CERS6: variants seen among roughly 807,000 people sequenced by gnomAD.
CERS6 encodes LAG1 homolog, ceramide synthase 6.
CERS6 carries 26 observed loss-of-function variants against 56.8 expected under a neutral mutation model. That is an observed-to-expected ratio of 0.46 (90% CI 0.34 to 0.63). CERS6 has a LOEUF of 0.63. CERS6 is among the 30% of genes least tolerant of loss of function. The pLI, the probability that CERS6 is intolerant of heterozygous loss-of-function variation, is 0.01. For missense variants in CERS6, 415 were observed against 467.5 expected (o/e 0.89, Z 1.04); for synonymous variants, 164 against 173.3 (o/e 0.95, Z 0.42).
chr2:168,683,266 C>A (rs982056580), intron 4 of CERS6, among the ~76,000 whole-genome samples: 6 of 151,998 alleles, frequency 3.9e-5, no homozygotes, highest in South Asian at 2.1e-4. Context: ...ATATAAGTGA[C>A]CTTTGGGTAT....
intron 8 of CERS6, among the ~76,000 whole-genome samples, chr2:168,722,891 A>G (rs1683221756): frequency 6.6e-6 from 1 of 152,214 alleles, no homozygotes; most frequent in Admixed American, 6.5e-5. Context: ...TCCTGATGAT[A>G]TCACTGTCCT....
chr2:168,553,422 A>G (rs899885019), intron 2 of CERS6, among the ~76,000 whole-genome samples: 4 of 152,164 alleles, frequency 2.6e-5, no homozygotes, highest in African/African-American at 9.6e-5. Flanking sequence ...TAACATTGTT[A>G]AAGTTGCTGG....
chr2:168,550,231 A>G (rs865813903), intron 2 of CERS6, among the ~76,000 whole-genome samples: 1 of 152,146 alleles, frequency 6.6e-6, no homozygotes, highest in Non-Finnish European at 1.5e-5. Flanking sequence ...GCTGGAGTCT[A>G]GTGGCATAAC....
intron 3 of CERS6, among the ~76,000 whole-genome samples, chr2:168,577,891 T>C (rs2105393722): frequency 6.6e-6 from 1 of 152,214 alleles, no homozygotes; most frequent in South Asian, 2.1e-4. Flanking sequence ...TATCTGCATG[T>C]GGGTGGCAGA....
intron 3 of CERS6, among the ~76,000 whole-genome samples, chr2:168,575,245 C>T (rs570642472): frequency 8.5e-5 from 13 of 152,136 alleles, no homozygotes; most frequent in South Asian, 8.4e-4. Flanking sequence ...TGTATTAGTC[C>T]GTTTTCACAC....
Position 168,681,123 on chromosome 2 carries a change from G to A in CERS6, c.466-9911G>A, listed in dbSNP as rs538191348. On this transcript the variant is annotated intron_variant, in intron 4 of 9. Transcript: ENST00000305747. Reference sequence around the variant, plus strand: ...GCAGTAATAGCACAAATAGATTAAGGCCTAGGCAAATGGGTTGATAAGTAG... The same window carrying A: ...GCAGTAATAGCACAAATAGATTAAGACCTAGGCAAATGGGTTGATAAGTAG... 2.0e-5 allele frequency among the ~76,000 whole-genome samples: 3 copies of A among 152,332 alleles called. No individual in the cohort carries two copies. The East Asian group carries it at 5.8e-4, about 29-fold the overall frequency.
At chr2:168,505,649 C>T (rs1390066203) in intron 1 of CERS6, among the ~76,000 whole-genome samples, 1 of 152,220 alleles carries the variant, frequency 6.6e-6, no homozygotes, top group East Asian at 1.9e-4. Flanking sequence ...CCCCCAGTAT[C>T]TATTAGGGCT....
chr2:168,563,551 A>G (rs1695830386), intron 3 of CERS6, among the ~76,000 whole-genome samples: 1 of 152,200 alleles, frequency 6.6e-6, no homozygotes, highest in African/African-American at 2.4e-5. Context: ...TAATCCCAGC[A>G]CTTTTGGAGG....
In CERS6 at chr2:168,731,491, T is replaced by TA. The variant is rs1238147700; in HGVS notation, c.845+13514dup. The stretch of plus-strand genomic sequence containing the variant: ...TTAGTATACCAAATTTTCTAGTTTT[T>TA]ATCTCATGGAAATATAAGGGTATTT... On this transcript the variant is annotated intron_variant, in intron 8 of 9. Coordinates refer to ENST00000305747, the MANE Select transcript of CERS6 (RefSeq NM_203463.3). 2.0e-5 allele frequency among the ~76,000 whole-genome samples: 3 copies of TA among 152,170 alleles called. No individual in the cohort carries two copies. In the East Asian group the frequency reaches 5.8e-4, roughly 29 times the overall value.
intron 8 of CERS6, among the ~76,000 whole-genome samples, chr2:168,744,295 C>T (rs114363399): frequency 6.6e-6 from 1 of 152,122 alleles, no homozygotes; most frequent in Non-Finnish European, 1.5e-5. Context: ...TGTGAGCCAC[C>T]GTTCCCGGCC....
intron 8 of CERS6, among the ~76,000 whole-genome samples, chr2:168,748,831 T>TGGGGGGGGGGGGGGG (rs72341847): frequency 1.1e-5 from 1 of 89,412 alleles, no homozygotes; most frequent in Non-Finnish European, 2.8e-5. Flanking sequence ...TGGTTGGGGG[T>TGGGGGGGGGGGGGGG]GGGGGGGGGG....
chr2:168,652,171 T>C (rs1363376729), intron 4 of CERS6, among the ~76,000 whole-genome samples: 1 of 152,054 alleles, frequency 6.6e-6, no homozygotes, highest in Non-Finnish European at 1.5e-5. Flanking sequence ...ATAAGCAAAC[T>C]TAGTTCAACG....
intron 3 of CERS6, among the ~76,000 whole-genome samples, chr2:168,608,072 A>C (rs1471505273): frequency 6.6e-6 from 1 of 152,174 alleles, no homozygotes; most frequent in Non-Finnish European, 1.5e-5. Flanking sequence ...GTCCCAGGCA[A>C]CCACCACTAA....
chr2:168,702,304 AC>A (rs1310213221), intron 6 of CERS6, among the ~76,000 whole-genome samples: 1 of 152,170 alleles, frequency 6.6e-6, no homozygotes, highest in African/African-American at 2.4e-5. Flanking sequence ...TTTGAACTGA[AC>A]TTTTTTTCAT....
chr2:168,761,297 A>G (rs2105459831), intron 8 of CERS6, among the ~76,000 whole-genome samples: 1 of 152,296 alleles, frequency 6.6e-6, no homozygotes, highest in Admixed American at 6.5e-5. Context: ...GGCAAAGCCT[A>G]TAAATCCTGA....
chr2:168,643,212 TAAAG>T (rs61264394), intron 4 of CERS6, among the ~76,000 whole-genome samples: 47,169 of 151,932 alleles, frequency 0.31, 8,955 homozygotes, highest in African/African-American at 0.52. Flanking sequence ...CTTGAAGCTA[TAAAG>T]AAATTGATAA....
intron 1 of CERS6, among the ~76,000 whole-genome samples, chr2:168,507,604 G>A (rs1286265207): frequency 6.6e-6 from 1 of 152,114 alleles, no homozygotes. Flanking sequence ...TGTATGCCAG[G>A]TTTACTGTTT....
chr2:168,658,415 A>T (rs1685546688), intron 4 of CERS6, among the ~76,000 whole-genome samples: 1 of 152,098 alleles, frequency 6.6e-6, no homozygotes, highest in Non-Finnish European at 1.5e-5. Flanking sequence ...CTTTGTTGTG[A>T]TTACTCCATT....
At chr2:168,540,022 C>T (rs1695338124) in intron 1 of CERS6, among the ~76,000 whole-genome samples, 1 of 152,168 alleles carries the variant, frequency 6.6e-6, no homozygotes, top group Non-Finnish European at 1.5e-5. Flanking sequence ...GGTTGTGTTG[C>T]CTTTCAACCT....
Sources: allele counts gnomAD v4.1 joint callset (sites outside exome capture counted in the v4.1 genomes callset), GRCh38; gene constraint gnomAD v4.1.1; transcripts MANE v1.5; gene names NCBI Gene and HGNC (gene_info 2026-07-23, HGNC 2026-07-21).